CNTN6: variants seen among roughly 807,000 people sequenced by gnomAD.
CNTN6 encodes contactin 6.
A neutral mutation model predicts 122.8 loss-of-function variants in CNTN6; 137 were observed. The observed-to-expected ratio is 1.12, with a 90% CI of 0.97 to 1.29. The LOEUF is 1.29. Among genes scored for constraint, CNTN6 ranks in the 50% most tolerant of loss-of-function variants. The pLI is 0.00. For missense variants in CNTN6, 1,634 were observed against 1,223.4 expected, an observed-to-expected ratio of 1.34 and a Z score of -5.01; for synonymous variants, 570 against 426.0, an observed-to-expected ratio of 1.34 and a Z score of -4.16.
chr3:1,257,306 G>T (rs17036743), intron 4 of CNTN6, among the ~76,000 whole-genome samples: 24,813 of 151,746 alleles, frequency 0.16, 2,802 homozygotes, highest in African/African-American at 0.32. Context: ...ATTTTAACTT[G>T]GCTAGTTGTG....
At chr3:1,144,600 A>AT (rs2092684629) in intron 1 of CNTN6, among the ~76,000 whole-genome samples, 1 of 116,472 alleles carries the variant, frequency 8.6e-6, no homozygotes, top group South Asian at 3.5e-4. Flanking sequence ...ATAATAAAAA[A>AT]TAAAAAATAA....
chr3:1,336,764 G>C (rs1389770607), intron 11 of CNTN6, among the ~76,000 whole-genome samples: 2 of 152,050 alleles, frequency 1.3e-5, no homozygotes, highest in Admixed American at 1.3e-4. Flanking sequence ...CAATATTTTT[G>C]CCTTCAAACC....
At chr3:1,391,330 A>G (rs1215395210) in intron 20 of CNTN6, among the ~76,000 whole-genome samples, 176 of 120,038 alleles carry the variant, frequency 1.5e-3, no homozygotes, top group East Asian at 2.5e-3. Context: ...TAGATGCAGA[A>G]AAAGCCTTTG....
chr3:1,349,744 A>AT (rs141171429), intron 11 of CNTN6, among the ~76,000 whole-genome samples: 16,804 of 151,532 alleles, frequency 0.11, 1,029 homozygotes, highest in African/African-American at 0.12. Context: ...TTTTTGTTTA[A>AT]TTTTTTCTTA....
intron 11 of CNTN6, among the ~76,000 whole-genome samples, chr3:1,330,804 G>T (rs1288846746): frequency 6.6e-6 from 1 of 151,884 alleles, no homozygotes; most frequent in African/African-American, 2.4e-5. Context: ...AAAAATGACA[G>T]TTGTTACTCT....
rs555302990 is a variant in CNTN6, at chr3:1,252,370, C to G, written c.358+24377C>G. Among the ~76,000 whole-genome samples, 3 of 152,122 alleles carry G rather than the reference C, an allele frequency of 2.0e-5. No individual in the cohort carries two copies. In the South Asian group the frequency reaches 6.2e-4, roughly 32 times the overall value. Reference sequence around the variant, plus strand: ...ACCAGTTTTTACTACAATTGTGATTCCTGACAATATATAACATTTAGAAAA... The same window carrying G: ...ACCAGTTTTTACTACAATTGTGATTGCTGACAATATATAACATTTAGAAAA... On this transcript the variant is annotated intron_variant, in intron 4 of 22. Transcript: ENST00000446702.
At chr3:1,250,365 C>A (rs911954421) in intron 4 of CNTN6, among the ~76,000 whole-genome samples, 1 of 152,170 alleles carries the variant, frequency 6.6e-6, no homozygotes, top group Non-Finnish European at 1.5e-5. Context: ...TATCCTCCAC[C>A]TTCTTTCCAT....
chr3:1,102,689 C>G (rs9859794), intron 1 of CNTN6, among the ~76,000 whole-genome samples: 1 of 149,830 alleles, frequency 6.7e-6, no homozygotes, highest in East Asian at 2.0e-4. Context: ...GATGGCGCCA[C>G]CGCCCTCCAG....
chr3:1,182,127 T>G (rs2093563957), intron 2 of CNTN6, among the ~76,000 whole-genome samples: 2 of 152,166 alleles, frequency 1.3e-5, no homozygotes, highest in Admixed American at 6.6e-5. Context: ...TACTAATATT[T>G]TCTTAACTAT....
intron 12 of CNTN6, among the ~76,000 whole-genome samples, chr3:1,367,457 C>T (rs1300470389): frequency 1.3e-5 from 2 of 151,828 alleles, no homozygotes; most frequent in Non-Finnish European, 2.9e-5. Flanking sequence ...GAGGAAGTCC[C>T]CATGTTTGAA....
At chr3:1,160,365 T>TATATATATATATATATATATACATAC (rs1486849078) in intron 2 of CNTN6, among the ~76,000 whole-genome samples, 1 of 133,418 alleles carries the variant, frequency 7.5e-6, no homozygotes, top group African/African-American at 2.9e-5. Context: ...TATATATATA[T>TATATATATATATATATATATACATAC]ATACACACTA....
intron 11 of CNTN6, among the ~76,000 whole-genome samples, chr3:1,346,627 G>A (rs899440557): frequency 2.0e-5 from 3 of 152,058 alleles, no homozygotes; most frequent in Non-Finnish European, 4.4e-5. Flanking sequence ...CTGCCCAACC[G>A]TGAGCCTTCC....
In CNTN6 at chr3:1,234,691, A is replaced by C. The variant is rs140577758; in HGVS notation, c.358+6698A>C. Reference sequence around the variant, plus strand: ...CTAAATGGCTTTTAACCTTTTTTCTACATCAGAAAAGAACTAACTGAACAA... The same window carrying C: ...CTAAATGGCTTTTAACCTTTTTTCTCCATCAGAAAAGAACTAACTGAACAA... On this transcript the variant is annotated intron_variant, in intron 4 of 22. Coordinates refer to ENST00000446702, the MANE Select transcript of CNTN6 (RefSeq NM_001289080.2). Among the ~76,000 whole-genome samples, 107 of 144,182 alleles carry C rather than the reference A, an allele frequency of 7.4e-4. 1 individual carries two copies. The East Asian group carries it at 0.018, about 24-fold the overall frequency. The allele number at this position is 144,182 out of a possible 152,430, so 94.6% of individuals were successfully genotyped here. A position where few individuals can be genotyped will look rare whatever the true frequency, so the allele number is the denominator to read the frequency against.
chr3:1,134,586 A>C (rs1437078576), intron 1 of CNTN6, among the ~76,000 whole-genome samples: 1 of 152,162 alleles, frequency 6.6e-6, no homozygotes, highest in Non-Finnish European at 1.5e-5. Flanking sequence ...AGAGGGTCCA[A>C]AATGTAAAAT....
intron 4 of CNTN6, among the ~76,000 whole-genome samples, chr3:1,262,023 A>C (rs1285241976): frequency 6.6e-6 from 1 of 152,064 alleles, no homozygotes; most frequent in African/African-American, 2.4e-5. Flanking sequence ...TAAATGAAAA[A>C]CCCAATTGAG....
At chr3:1,348,069 G>C (rs1286024607) in intron 11 of CNTN6, among the ~76,000 whole-genome samples, 5 of 145,624 alleles carry the variant, frequency 3.4e-5, no homozygotes, top group African/African-American at 5.1e-5. Flanking sequence ...ATGGAGTCCG[G>C]TACAGTGCTA....
At chr3:1,385,530 T>G in intron 19 of CNTN6, 81 bp from the exon 20 acceptor site, 1 of 1,119,360 alleles carries the variant, frequency 8.9e-7, no homozygotes, top group Non-Finnish European at 1.3e-6. Flanking sequence ...TCCTTGTGGT[T>G]GTGGTTGATA....
chr3:1,256,378 A>ATGAGG (rs1341969689), intron 4 of CNTN6, among the ~76,000 whole-genome samples: 1 of 152,134 alleles, frequency 6.6e-6, no homozygotes, highest in East Asian at 1.9e-4. Context: ...AATATTTGCT[A>ATGAGG]TGAGGTGGGA....
chr3:1,373,665 A>T lies in CNTN6; in HGVS notation c.1848A>T (p.Leu616=), dbSNP rs1268073061. The T allele has an allele frequency of 1.2e-6, 2 of 1,613,102 alleles. No individual in the cohort carries two copies. The highest frequency in any genetic ancestry group is 1.7e-6 in the Non-Finnish European group (2 of 1,179,340). ...VEDISSTTSQ[L]SWRAGPDNNS... ...ACATTTCCAGTACTACTTCTCAACTAAGTTGGAGAGCAGGCCCAGATAATA... is the reference window on the plus strand; with the variant it reads ...ACATTTCCAGTACTACTTCTCAACTTAGTTGGAGAGCAGGCCCAGATAATA... The change falls in exon 15 of 23, where the codon CTA becomes CTT. Residue 616 remains leucine (L), a synonymous_variant. Coordinates refer to ENST00000446702, the MANE Select transcript of CNTN6 (RefSeq NM_001289080.2).
Sources: allele counts gnomAD v4.1 joint callset (sites outside exome capture counted in the v4.1 genomes callset), GRCh38; gene constraint gnomAD v4.1.1; transcripts MANE v1.5; gene names NCBI Gene and HGNC (gene_info 2026-07-23, HGNC 2026-07-21).